DNAH9: variants seen among roughly 807,000 people sequenced by gnomAD.
The protein encoded by DNAH9 is DNAH9 variant protein.
In DNAH9, 345 loss-of-function variants were observed where a neutral mutation model predicts 471.6. The observed-to-expected ratio is 0.73, with a 90% CI of 0.67 to 0.80. DNAH9 has a LOEUF of 0.80. Among genes scored for constraint, DNAH9 ranks in the 30% least tolerant of loss-of-function variants. The pLI is 0.00. For missense variants in DNAH9, 5,407 were observed against 5,609.2 expected (o/e 0.96, Z 1.15); for synonymous variants, 2,093 against 2,123.6 (o/e 0.99, Z 0.40).
Position 11,822,783 on chromosome 17 carries a change from C to A in DNAH9, c.9013-18C>A. 6.2e-7 allele frequency: 1 copy of A among 1,613,198 alleles called. No individual in the cohort carries two copies. Among genetic ancestry groups the A allele is most frequent in the Non-Finnish European group, 8.5e-7 (1 of 1,179,254 alleles). ...TCAACACAAGATAATCTTTTCATTT[C>A]TTGCTCTTTGGTTTTAGCCCACAGT... On this transcript the variant is annotated intron_variant, in intron 47 of 68. Transcript: ENST00000262442.
chr17:11,679,906 C>T lies in DNAH9; in HGVS notation c.3503C>T (p.Pro1168Leu). 4 of 1,614,004 alleles carry T rather than the reference C, an allele frequency of 2.5e-6. No homozygotes were observed. Among genetic ancestry groups the T allele is most frequent in the Non-Finnish European group, 3.4e-6 (4 of 1,179,990 alleles). ...RQSNTDEMFEPLKQTIELLKT... is the reference protein window; with the variant it reads ...RQSNTDEMFELLKQTIELLKT... ...AGTAACACTGATGAGATGTTTGAGCCCTTAAAGCAGACTATTGAATTGCTG... is the reference window on the plus strand; with the variant it reads ...AGTAACACTGATGAGATGTTTGAGCTCTTAAAGCAGACTATTGAATTGCTG... Residue 1168 changes from proline to leucine, a missense_variant, in exon 18 of 69, where the codon CCC becomes CTC. By Grantham distance (98) the Pro-to-Leu change is moderately conservative. This residue lies in a region of DNAH9 where 4,636 missense variants were observed against 4,900.3 expected (regional missense o/e 0.95). Transcript: ENST00000262442.
intron 26 of DNAH9, among the ~76,000 whole-genome samples, chr17:11,706,063 T>C (rs1323267926): frequency 6.6e-6 from 1 of 152,168 alleles, no homozygotes; most frequent in Non-Finnish European, 1.5e-5. Flanking sequence ...GAATAATGTA[T>C]TTTGCTTTCC....
chr17:11,921,968 A>G (rs1368644126), intron 61 of DNAH9, among the ~76,000 whole-genome samples: 1 of 152,236 alleles, frequency 6.6e-6, no homozygotes, highest in Admixed American at 6.5e-5. Flanking sequence ...GAAATGTCAC[A>G]GAAGACATCT....
intron 49 of DNAH9, among the ~76,000 whole-genome samples, chr17:11,851,034 A>G (rs528661303): frequency 6.6e-6 from 1 of 152,288 alleles, no homozygotes; most frequent in East Asian, 1.9e-4. Flanking sequence ...GGAAATGACT[A>G]AGAAGGGGAG....
chr17:11,958,554 C>T (rs879823270), intron 67 of DNAH9, among the ~76,000 whole-genome samples: 6 of 152,168 alleles, frequency 3.9e-5, no homozygotes, highest in South Asian at 4.1e-4. Flanking sequence ...GCAAACCCTA[C>T]GGTAAACTAC....
chr17:11,854,539 C>T, intron 50 of DNAH9, 111 bp downstream of exon 50: 8 of 1,311,734 alleles, frequency 6.1e-6, no homozygotes, highest in Non-Finnish European at 8.2e-6. Context: ...AGCAGGAAAA[C>T]CACATTTTCA....
At chr17:11,742,756 C>T (rs561570993) in intron 30 of DNAH9, among the ~76,000 whole-genome samples, 1 of 152,268 alleles carries the variant, frequency 6.6e-6, no homozygotes, top group African/African-American at 2.4e-5. Context: ...AAAAATTGCA[C>T]CTTAGCAAAA....
chr17:11,714,943 ACT>A (rs1460827576), intron 26 of DNAH9, among the ~76,000 whole-genome samples: 1 of 152,074 alleles, frequency 6.6e-6, no homozygotes, highest in East Asian at 1.9e-4. Flanking sequence ...CAACACCTTG[ACT>A]CTGGCCTTGT....
intron 40 of DNAH9, 132 bp from the exon 41 acceptor site, chr17:11,784,168 T>C (rs1413068420): frequency 7.2e-7 from 1 of 1,389,664 alleles, no homozygotes. Flanking sequence ...AATTTGGGCA[T>C]AGTGTGAGAG....
At chr17:11,766,700 C>T (rs974587294) in intron 36 of DNAH9, among the ~76,000 whole-genome samples, 22 of 152,278 alleles carry the variant, frequency 1.4e-4, no homozygotes, top group South Asian at 2.1e-4. Context: ...TGCGGTGGCT[C>T]ACGCCTGTAA....
intron 28 of DNAH9, among the ~76,000 whole-genome samples, chr17:11,732,242 T>C (rs1320746168): frequency 6.6e-6 from 1 of 152,166 alleles, no homozygotes; most frequent in Non-Finnish European, 1.5e-5. Flanking sequence ...ATGAAATAAG[T>C]TTAACTGGGG....
intron 19 of DNAH9, among the ~76,000 whole-genome samples, chr17:11,687,537 G>A (rs1468293626): frequency 3.3e-5 from 5 of 152,014 alleles, no homozygotes; most frequent in Admixed American, 2.0e-4. Flanking sequence ...CTACCAACAC[G>A]CAAACACATG....
intron 62 of DNAH9, among the ~76,000 whole-genome samples, chr17:11,924,814 G>T (rs540259977): frequency 1.3e-5 from 2 of 152,020 alleles, no homozygotes; most frequent in East Asian, 3.9e-4. Context: ...AGTAGAGACA[G>T]GGTTTCACCA....
chr17:11,861,697 A>C (rs1971854074), intron 50 of DNAH9, among the ~76,000 whole-genome samples: 1 of 151,994 alleles, frequency 6.6e-6, no homozygotes, highest in South Asian at 2.1e-4. Context: ...TTGTTTCCTG[A>C]CTTTTTAATG....
chr17:11,884,454 T>C (rs1972819576), intron 56 of DNAH9: 1 of 390,808 alleles, frequency 2.6e-6, no homozygotes, highest in Admixed American at 2.7e-5. Flanking sequence ...GCATTGGAGA[T>C]ATTGGCCCTG....
intron 7 of DNAH9, 23 bp from the exon 8 acceptor site, chr17:11,632,562 TTA>T (rs767143847): frequency 1.2e-4 from 147 of 1,192,742 alleles, no homozygotes; most frequent in Non-Finnish European, 1.5e-4. Context: ...TACGTTTTCC[TTA>T]TATATATATG....
chr17:11,963,512 G>C (rs1166871135), intron 68 of DNAH9, among the ~76,000 whole-genome samples: 1 of 152,096 alleles, frequency 6.6e-6, no homozygotes, highest in Non-Finnish European at 1.5e-5. Flanking sequence ...ATTAGAGGGT[G>C]TAGGGAGAGG....
At chr17:11,706,267 A>C (rs1238654901) in intron 26 of DNAH9, among the ~76,000 whole-genome samples, 1 of 137,934 alleles carries the variant, frequency 7.2e-6, no homozygotes, top group African/African-American at 2.7e-5. Flanking sequence ...TAAGCAAGGT[A>C]GTTCCAACCA....
intron 22 of DNAH9, among the ~76,000 whole-genome samples, chr17:11,698,677 G>T (rs1373302086): frequency 6.6e-6 from 1 of 151,970 alleles, no homozygotes; most frequent in African/African-American, 2.4e-5. Context: ...CAGCTGGAGG[G>T]CCCTTTGTAA....
Sources: gnomAD v4.1 joint callset for allele counts (sites outside exome capture counted in the v4.1 genomes callset) on GRCh38, gnomAD v4.1.1 for gene constraint, gnomAD v4.1.1 regional missense constraint, MANE v1.5 for transcripts, NCBI Gene and HGNC (gene_info 2026-07-23, HGNC 2026-07-21) for gene names.